KIAA1549L: variants seen among roughly 807,000 people sequenced by gnomAD.
KIAA1549L encodes UPF0606 protein KIAA1549L.
A neutral mutation model predicts 160.7 loss-of-function variants in KIAA1549L; 88 were observed. The observed-to-expected ratio is 0.55, with a 90% CI of 0.46 to 0.65. KIAA1549L has a LOEUF of 0.65. KIAA1549L is among the 30% of genes least tolerant of loss of function. KIAA1549L has a pLI of 0.00. For synonymous variants in KIAA1549L, 950 were observed against 976.7 expected (o/e 0.97, Z 0.51); for missense variants, 2,258 against 2,437.5 (o/e 0.93, Z 1.55).
Position 33,574,797 on chromosome 11 carries a change from T to C in KIAA1549L, c.4326T>C (p.Ala1442=). ...GGAAGCCTTTGTTGGGGACCGCAGC[T>C]GCCAAGATCCTGAGCACCATTGATT... ...YNGKPLLGTA[A]AKILSTIDSQ... Residue 1442 remains alanine (A), a synonymous_variant, in exon 10 of 21, where the codon GCT becomes GCC. Coordinates refer to ENST00000658780, the MANE Select transcript of KIAA1549L (RefSeq NM_012194.3). 2 of 1,614,058 alleles carry C rather than the reference T, an allele frequency of 1.2e-6. No individual in the cohort carries two copies. The highest frequency in any genetic ancestry group is 2.2e-5 in the South Asian group (2 of 91,088).
intron 16 of KIAA1549L, among the ~76,000 whole-genome samples, chr11:33,629,879 T>C: frequency 1.0e-5 from 1 of 96,454 alleles, no homozygotes. Context: ...TTTTAGAGTT[T>C]CCAGTTTTTC....
At chr11:33,655,865 T>G in intron 17 of KIAA1549L, 147 bp from the exon 18 acceptor site, 1 of 633,932 alleles carries the variant, frequency 1.6e-6, no homozygotes, top group East Asian at 2.8e-5. Flanking sequence ...GCTGGAAACA[T>G]GTGAGGGAAG....
intron 13 of KIAA1549L, among the ~76,000 whole-genome samples, chr11:33,605,159 TGTTTTG>T (rs1246044940): frequency 8.2e-6 from 1 of 122,198 alleles, no homozygotes; most frequent in Non-Finnish European, 1.6e-5. Flanking sequence ...GTTTTTGTTT[TGTTTTG>T]TTTTGTTTTG....
chr11:33,464,095 A>G lies in KIAA1549L; in HGVS notation c.239-77707A>G, dbSNP rs1357074648. On this transcript the variant is annotated intron_variant, in intron 1 of 20. Transcript: ENST00000658780. Reference sequence around the variant, plus strand: ...GAGCAGATATTATTATCTCCTTTTCACAAGTGAGGAAACAGTCTTAAAGTG... The same window carrying G: ...GAGCAGATATTATTATCTCCTTTTCGCAAGTGAGGAAACAGTCTTAAAGTG... Among the ~76,000 whole-genome samples, 3 of 152,192 alleles carry G rather than the reference A, an allele frequency of 2.0e-5. No individual in the cohort carries two copies. The East Asian group carries it at 5.8e-4, about 29-fold the overall frequency.
In KIAA1549L at chr11:33,642,219, G is replaced by T. The variant is rs551199847; in HGVS notation, c.5410-3467G>T. On this transcript the variant is annotated intron_variant, in intron 16 of 20. Coordinates refer to ENST00000658780, the MANE Select transcript of KIAA1549L (RefSeq NM_012194.3). ...AGATGAGGAGCCTGAGGCTTAGGGG[G>T]TTCCTGCAACTTCTTATTGTCATGC... Among the ~76,000 whole-genome samples the T allele has an allele frequency of 5.9e-5, 9 of 152,268 alleles. No individual in the cohort carries two copies. In the South Asian group the frequency reaches 1.9e-3, roughly 32 times the overall value.
chr11:33,543,465 C>T lies in KIAA1549L; in HGVS notation c.1902C>T (p.Ala634=). ...PPLPSILSIQ[A]TQTVFPSLGF... ...TACCTTCCATACTCTCCATACAAGC[C>T]ACCCAGACTGTTTTCCCATCTCTTG... The change falls in exon 2 of 21, where the codon GCC becomes GCT. Residue 634 remains alanine (A), a synonymous_variant. Transcript: ENST00000658780. 6.2e-7 allele frequency: 1 copy of T among 1,614,058 alleles called. No individual in the cohort carries two copies.
At chr11:33,394,471 A>G (rs79647492) in intron 1 of KIAA1549L, among the ~76,000 whole-genome samples, 1,575 of 152,300 alleles carry the variant, frequency 0.01, 31 homozygotes, top group African/African-American at 0.037. Context: ...CATCACTTAA[A>G]AATCAAGAGC....
intron 1 of KIAA1549L, among the ~76,000 whole-genome samples, chr11:33,383,961 T>A (rs1850123282): frequency 6.6e-6 from 1 of 152,252 alleles, no homozygotes; most frequent in South Asian, 2.1e-4. Flanking sequence ...CTTCTTTTTT[T>A]AAAGTCAAGT....
intron 1 of KIAA1549L, among the ~76,000 whole-genome samples, chr11:33,432,123 C>G (rs1156241812): frequency 6.6e-6 from 1 of 152,242 alleles, no homozygotes; most frequent in Non-Finnish European, 1.5e-5. Context: ...GCTCGCACCT[C>G]TCCCTCCACA....
At chr11:33,659,471 A>C (rs180781153) in intron 19 of KIAA1549L, among the ~76,000 whole-genome samples, 4 of 152,348 alleles carry the variant, frequency 2.6e-5, no homozygotes, top group Non-Finnish European at 5.9e-5. Context: ...ATGATAAGCC[A>C]CAGTTTAGAC....
chr11:33,671,950 G>A lies in KIAA1549L; in HGVS notation c.*3796G>A, dbSNP rs1852685361. 1.3e-5 allele frequency: 2 copies of A among 152,044 alleles called. No homozygotes were observed. The highest frequency in any genetic ancestry group is 4.8e-5 in the African/African-American group (2 of 41,446). The allele number at this position is 152,044 out of a possible 1,614,324, so 9.4% of individuals were successfully genotyped here. ...ATTTAGCTTGGAGTAGGGACTGACT[G>A]GGGTCTAAGTGTTGGAAATTAAATT... On this transcript the variant is annotated 3_prime_UTR_variant, in exon 21 of 21. Coordinates refer to ENST00000658780, the MANE Select transcript of KIAA1549L (RefSeq NM_012194.3).
chr11:33,474,116 C>G (rs552235086), intron 1 of KIAA1549L, among the ~76,000 whole-genome samples: 2 of 152,194 alleles, frequency 1.3e-5, no homozygotes, highest in Non-Finnish European at 2.9e-5. Context: ...AGAATTCACT[C>G]ATTACCATAT....
chr11:33,599,524 A>G (rs1461722694), intron 13 of KIAA1549L: 1 of 152,152 alleles, frequency 6.6e-6, no homozygotes, highest in African/African-American at 2.4e-5. Context: ...GAAAAGAAAA[A>G]AAAAGTTATA....
At chr11:33,448,255 A>G (rs763904955) in intron 1 of KIAA1549L, among the ~76,000 whole-genome samples, 25 of 152,142 alleles carry the variant, frequency 1.6e-4, no homozygotes, top group Non-Finnish European at 3.2e-4. Context: ...GGAGGTATTT[A>G]TGAACTTAAA....
chr11:33,426,969 T>C (rs908857222), intron 1 of KIAA1549L, among the ~76,000 whole-genome samples: 2 of 152,196 alleles, frequency 1.3e-5, no homozygotes, highest in African/African-American at 2.4e-5. Flanking sequence ...TTTGGGGCTA[T>C]TAATTGGTTT....
intron 13 of KIAA1549L, among the ~76,000 whole-genome samples, chr11:33,603,043 T>A (rs1261784113): frequency 6.6e-6 from 1 of 152,112 alleles, no homozygotes; most frequent in Non-Finnish European, 1.5e-5. Context: ...CTAAGTGCCA[T>A]CTCTTCACCC....
chr11:33,532,394 T>C (rs1853794372), intron 1 of KIAA1549L, among the ~76,000 whole-genome samples: 1 of 152,190 alleles, frequency 6.6e-6, no homozygotes, highest in Non-Finnish European at 1.5e-5. Flanking sequence ...ATAATGATAA[T>C]AATAACAGCA....
rs549927275 is a variant in KIAA1549L at position 33,528,584 on chromosome 11, A to G, written c.239-13218A>G. 2.1e-4 allele frequency among the ~76,000 whole-genome samples: 32 copies of G among 152,374 alleles called. 2 individuals carry two copies. The South Asian group carries it at 6.6e-3, about 32-fold the overall frequency. The stretch of plus-strand genomic sequence containing the variant: ...AAGTATGGAACCAGCCTAAATGCCC[A>G]TCAACCAATGAGTGGATAAAGAAAA... On this transcript the variant is annotated intron_variant, in intron 1 of 20. Coordinates refer to ENST00000658780, the MANE Select transcript of KIAA1549L (RefSeq NM_012194.3).
chr11:33,592,066 A>G (rs2133289092), intron 12 of KIAA1549L, among the ~76,000 whole-genome samples: 1 of 152,326 alleles, frequency 6.6e-6, no homozygotes, highest in East Asian at 1.9e-4. Flanking sequence ...TGGGATCTGA[A>G]TAGGTGGGAA....
Sources: gnomAD v4.1 joint callset for allele counts (sites outside exome capture counted in the v4.1 genomes callset) on GRCh38, gnomAD v4.1.1 for gene constraint, MANE v1.5 for transcripts, NCBI Gene and HGNC (gene_info 2026-07-23, HGNC 2026-07-21) for gene names.